Variants in GRK4 observed in about 807,000 individuals in gnomAD.
The protein encoded by GRK4 is G protein-coupled receptor kinase 2-like.
In GRK4, 73 loss-of-function variants were observed where a neutral mutation model predicts 77.9. The observed-to-expected ratio is 0.94, with a 90% confidence interval of 0.78 to 1.14. The LOEUF (loss-of-function observed/expected upper bound fraction) is 1.14, where lower values mean the gene tolerates loss of function less well. Among genes scored for constraint, GRK4 ranks in the 50% most tolerant of loss-of-function variants. GRK4 has a pLI of 0.00. For synonymous variants in GRK4, 257 were observed against 254.4 expected (o/e 1.01, Z -0.10); for missense variants, 729 against 700.2 (o/e 1.04, Z -0.46).
intron 4 of GRK4, among the ~76,000 whole-genome samples, chr4:3,003,470 G>A (rs1730431755): frequency 6.6e-6 from 1 of 150,652 alleles, no homozygotes; most frequent in African/African-American, 2.4e-5. Flanking sequence ...GGATTACAGG[G>A]GTGAGTCACC....
At chr4:2,969,683 T>G (rs1266149631) in intron 1 of GRK4, among the ~76,000 whole-genome samples, 1 of 152,072 alleles carries the variant, frequency 6.6e-6, no homozygotes, top group Non-Finnish European at 1.5e-5. Flanking sequence ...AGCCTTTTTT[T>G]TTTTTAAAGA....
chr4:3,038,981 C>G (rs186269553), intron 15 of GRK4: 306 of 152,872 alleles, frequency 2.0e-3, no homozygotes, highest in African/African-American at 7.1e-3. Context: ...TTTGGGAGGC[C>G]GAGGCAGGTG....
intron 12 of GRK4, among the ~76,000 whole-genome samples, chr4:3,029,813 C>T (rs1185744994): frequency 1.3e-5 from 2 of 152,210 alleles, no homozygotes; most frequent in Non-Finnish European, 2.9e-5. Context: ...CGTCTACCTG[C>T]CTCCTTCCCC....
chr4:3,019,161 T>C (rs76384668), intron 8 of GRK4, among the ~76,000 whole-genome samples: 11,633 of 152,236 alleles, frequency 0.076, 594 homozygotes, highest in Middle Eastern at 0.19. Context: ...TTTGCATATA[T>C]AGAGAAATGC....
chr4:3,027,842 C>A, intron 10 of GRK4, 70 bp from the exon 11 acceptor site: 1 of 1,301,932 alleles, frequency 7.7e-7, no homozygotes, highest in Non-Finnish European at 1.1e-6. Context: ...GCCTTTTTTC[C>A]CATTTTAATT....
intron 1 of GRK4, among the ~76,000 whole-genome samples, chr4:2,979,403 CAAAAAAAA>C (rs144374548): frequency 3.4e-5 from 2 of 59,194 alleles, no homozygotes; most frequent in African/African-American, 6.9e-5. Context: ...GACTCTGTCT[CAAAAAAAA>C]AAAAAAAAAA....
At chr4:3,014,487 C>T (rs533907685) in intron 8 of GRK4, among the ~76,000 whole-genome samples, 63 of 151,524 alleles carry the variant, frequency 4.2e-4, no homozygotes, top group African/African-American at 1.5e-3. Flanking sequence ...TATTTTTATT[C>T]TTATTTTTTA....
intron 1 of GRK4, among the ~76,000 whole-genome samples, chr4:2,974,263 T>C (rs1392687954): frequency 6.6e-6 from 1 of 152,262 alleles, no homozygotes; most frequent in Non-Finnish European, 1.5e-5. Context: ...AATTAAGCTT[T>C]ATAAGAGGAG....
intron 4 of GRK4, among the ~76,000 whole-genome samples, chr4:2,993,503 G>A (rs1382718707): frequency 6.6e-6 from 1 of 152,036 alleles, no homozygotes; most frequent in African/African-American, 2.4e-5. Context: ...GTGAAACCCT[G>A]TCTCTACTAA....
At chr4:3,007,884 TC>T (rs1731770812) in intron 6 of GRK4, 56 bp downstream of exon 6, 1 of 1,155,886 alleles carries the variant, frequency 8.7e-7, no homozygotes, top group African/African-American at 1.5e-5. Context: ...ATGCCTGTAG[TC>T]CCAGCTACTC....
intron 1 of GRK4, among the ~76,000 whole-genome samples, chr4:2,983,819 T>A (rs2109556204): frequency 6.6e-6 from 1 of 152,258 alleles, no homozygotes; most frequent in Non-Finnish European, 1.5e-5. Flanking sequence ...CAGTTCTGCA[T>A]GGCTAGAGGG....
rs1741481719 is a variant in GRK4 at position 3,038,517 on chromosome 4, A to G, written c.1683+4A>G. 3 of 1,607,114 alleles carry G rather than the reference A, an allele frequency of 1.9e-6. No homozygotes were observed. The South Asian group carries it at 3.3e-5, about 18-fold the overall frequency. On this transcript the variant is annotated splice_donor_region_variant and intron_variant, in intron 15 of 15. Transcript: ENST00000398052. ...CTATAGACTCTTCAGAAGAGGGGTA[A>G]AAAGACTTAAAAACTAATATATGTG...
In GRK4 at chr4:3,019,936, A is replaced by AT. The variant is rs1735612092; in HGVS notation, c.932+106dup. The AT allele has an allele frequency of 3.6e-6, 4 of 1,102,406 alleles. No individual in the cohort carries two copies. In the South Asian group the frequency reaches 6.3e-5, roughly 17 times the overall value. The allele number at this position is 1,102,406 out of a possible 1,614,324, so 68.3% of individuals were successfully genotyped here. A position where few individuals can be genotyped will look rare whatever the true frequency, so the allele number is the denominator to read the frequency against. On this transcript the variant is annotated intron_variant, in intron 9 of 15. Transcript: ENST00000398052. ...GGCTGCTTCCAGGATGGGCAGGAGA[A>AT]TAGCTGGGAGGCCCTCGATGGTGAT...
chr4:3,029,916 G>A (rs1560496317), intron 12 of GRK4, among the ~76,000 whole-genome samples: 1 of 152,330 alleles, frequency 6.6e-6, no homozygotes, highest in South Asian at 2.1e-4. Context: ...GGTTTTGATT[G>A]GAGCAAAACA....
chr4:3,019,636 TTTAGGTTAGTTTAG>T lies in GRK4; in HGVS notation c.742-4_751del. On this transcript the variant is annotated splice_acceptor_variant and splice_polypyrimidine_tract_variant and coding_sequence_variant and intron_variant, in exon 9 of 16. Coordinates refer to ENST00000398052, the MANE Select transcript of GRK4 (RefSeq NM_182982.3). LOFTEE classifies it high-confidence loss of function. ...GTTCTGTTTTTATGATGTTGCTGTC[TTTAGGTTAGTTTAG>T]CCTACGCTTATGAAACCAAAGATGC... 6.2e-7 allele frequency: 1 copy of T among 1,604,360 alleles called. No individual in the cohort carries two copies. Among genetic ancestry groups the T allele is most frequent in the Non-Finnish European group, 8.5e-7 (1 of 1,174,330 alleles).
At chr4:3,004,781 G>A (rs1170446025) in intron 5 of GRK4, among the ~76,000 whole-genome samples, 1 of 152,158 alleles carries the variant, frequency 6.6e-6, no homozygotes, top group Admixed American at 6.5e-5. Context: ...GAAGGAGGAA[G>A]AGGAGGAGCT....
chr4:2,998,003 G>T (rs1232785631), intron 4 of GRK4, among the ~76,000 whole-genome samples: 1 of 152,098 alleles, frequency 6.6e-6, no homozygotes, highest in African/African-American at 2.4e-5. Flanking sequence ...TTCAACTAGG[G>T]TCAACTGTAA....
At chr4:3,019,909 C>G in intron 9 of GRK4, 78 bp downstream of exon 9, 1 of 1,362,012 alleles carries the variant, frequency 7.3e-7, no homozygotes. Context: ...CTGGTTCACA[C>G]TGGCTGCTTC....
At chr4:3,004,364 A>G (rs1391480958) in intron 5 of GRK4, 30 bp downstream of exon 5, 8 of 1,389,680 alleles carry the variant, frequency 5.8e-6, no homozygotes, top group East Asian at 2.3e-5. Context: ...CCCTGCATAT[A>G]TTATCTATGA....
Sources: gnomAD v4.1 joint callset for allele counts (sites outside exome capture counted in the v4.1 genomes callset) on GRCh38, gnomAD v4.1.1 for gene constraint, MANE v1.5 for transcripts, NCBI Gene and HGNC (gene_info 2026-07-23, HGNC 2026-07-21) for gene names.